Variants in PCDH15 observed in about 807,000 individuals in gnomAD.
PCDH15 encodes protocadherin related 15.
PCDH15 carries 129 observed loss-of-function variants against 178.5 expected under a neutral mutation model. The ratio of observed to expected loss-of-function variants is 0.72; its 90% CI spans 0.63 to 0.84. PCDH15 has a LOEUF of 0.84. PCDH15 is among the 40% of genes least tolerant of loss of function. The pLI, the probability that PCDH15 is intolerant of heterozygous loss-of-function variation, is 0.00. For synonymous variants in PCDH15, 800 were observed against 732.0 expected (o/e 1.09, Z -1.50); for missense variants, 2,230 against 2,099.9 (o/e 1.06, Z -1.21).
At chr10:54,242,028 G>A (rs1341811633) in intron 8 of PCDH15, among the ~76,000 whole-genome samples, 3 of 148,736 alleles carry the variant, frequency 2.0e-5, no homozygotes, top group Admixed American at 6.7e-5. Context: ...ATTCTGAGAG[G>A]ATAACAGTAG....
intron 3 of PCDH15, among the ~76,000 whole-genome samples, chr10:54,465,049 A>G (rs940461732): frequency 1.3e-5 from 2 of 152,134 alleles, no homozygotes; most frequent in Admixed American, 6.6e-5. Context: ...TCTGCAATAT[A>G]TTTCCCTTAT....
rs1454354453 is a variant in PCDH15, at chr10:54,020,062, A to C, written c.2751+130T>G. On this transcript the variant is annotated intron_variant, in intron 20 of 37. Transcript: ENST00000644397. ...CATAAATATTTCCATTGGAAAATCTATGTTATGGGTCTGGTACCACTGTGT... is the reference window on the plus strand; with the variant it reads ...CATAAATATTTCCATTGGAAAATCTCTGTTATGGGTCTGGTACCACTGTGT... 3 of 734,490 alleles carry C rather than the reference A, an allele frequency of 4.1e-6. No homozygotes were observed. The African/African-American group carries it at 5.4e-5, about 13-fold the overall frequency. 45.5% of individuals were successfully genotyped at this position (734,490 alleles called of 1,614,324 possible).
In PCDH15 at chr10:55,527,864, T is replaced by C. The variant is rs1055350938; in HGVS notation, c.-156+99761A>G. ...TTCAATAATAGGTATTGTTTTTTCTTCTGACAACAATGAGGTAGCTAATTT... is the reference window on the plus strand; with the variant it reads ...TTCAATAATAGGTATTGTTTTTTCTCCTGACAACAATGAGGTAGCTAATTT... On this transcript the variant is annotated intron_variant, in intron 2 of 5. Coordinates refer to the PCDH15 transcript ENST00000613346. 2.0e-4 allele frequency among the ~76,000 whole-genome samples: 30 copies of C among 152,156 alleles called. 1 individual carries two copies. In the East Asian group the frequency reaches 5.4e-3, roughly 28 times the overall value.
intron 3 of PCDH15, among the ~76,000 whole-genome samples, chr10:54,424,164 C>T (rs1398967233): frequency 1.3e-5 from 2 of 151,656 alleles, no homozygotes; most frequent in Admixed American, 6.6e-5. Context: ...AACAAATTTA[C>T]AAGAAAAAAA....
chr10:54,751,382 A>G lies in PCDH15; in HGVS notation c.-29+49543T>C, dbSNP rs954121702. Among the ~76,000 whole-genome samples, 12 of 152,260 alleles carry G rather than the reference A, an allele frequency of 7.9e-5. No individual in the cohort carries two copies. The East Asian group carries it at 2.3e-3, about 29-fold the overall frequency. On this transcript the variant is annotated intron_variant, in intron 1 of 37. Transcript: ENST00000644397. The stretch of plus-strand genomic sequence containing the variant: ...TTCCAGTTTATCTTGCTGTTGCTCA[A>G]ACAGGTGTGCTTTTAAATTTGCTTA...
intron 2 of PCDH15, among the ~76,000 whole-genome samples, chr10:55,470,057 T>C (rs564583152): frequency 6.6e-6 from 1 of 152,212 alleles, no homozygotes; most frequent in South Asian, 2.1e-4. Context: ...TTTCTCTAAA[T>C]AGTTAAGTAT....
intron 4 of PCDH15, among the ~76,000 whole-genome samples, chr10:54,377,799 T>A (rs1412252375): frequency 2.0e-5 from 3 of 152,106 alleles, no homozygotes; most frequent in African/African-American, 4.8e-5. Flanking sequence ...CCTCTGCCCC[T>A]CTGTACTCAA....
intron 1 of PCDH15, among the ~76,000 whole-genome samples, chr10:54,676,216 A>T (rs1743373722): frequency 6.6e-6 from 1 of 152,052 alleles, no homozygotes; most frequent in Admixed American, 6.5e-5. Context: ...TAAAATTCTA[A>T]TATACTTGGA....
At chr10:53,861,797 T>C (rs1321655747) in intron 27 of PCDH15, among the ~76,000 whole-genome samples, 1 of 152,112 alleles carries the variant, frequency 6.6e-6, no homozygotes, top group Non-Finnish European at 1.5e-5. Context: ...ATTCAATAGC[T>C]ACATTTGGCT....
chr10:55,584,084 A>G (rs1224852587), intron 2 of PCDH15, among the ~76,000 whole-genome samples: 61 of 152,086 alleles, frequency 4.0e-4, no homozygotes, highest in African/African-American at 2.4e-5. Flanking sequence ...AGGTCTCACT[A>G]TATTGTCCAA....
At chr10:54,028,101 A>G (rs1417369246) in intron 18 of PCDH15, among the ~76,000 whole-genome samples, 1 of 151,012 alleles carries the variant, frequency 6.6e-6, no homozygotes, top group Non-Finnish European at 1.5e-5. Context: ...GAAAAAAACA[A>G]ACAACCCCAT....
At chr10:55,532,011 T>C (rs1257257045) in intron 2 of PCDH15, among the ~76,000 whole-genome samples, 1 of 152,040 alleles carries the variant, frequency 6.6e-6, no homozygotes, top group African/African-American at 2.4e-5. Context: ...AAATTAAAGA[T>C]CTGATCTTTG....
rs2042431336 is a variant in PCDH15 at position 54,131,471 on chromosome 10, C to CT, written c.1917+1403dup. On this transcript the variant is annotated intron_variant, in intron 15 of 37. Coordinates refer to ENST00000644397, the MANE Select transcript of PCDH15 (RefSeq NM_001384140.1). ...TTTTCTATTCTTTATCATTACAATA[C>CT]TTTGACTTTTTTTTCCTCCTAAAGA... Among the ~76,000 whole-genome samples, 7 of 152,074 alleles carry CT rather than the reference C, an allele frequency of 4.6e-5. No homozygotes were observed. In the South Asian group the frequency reaches 1.5e-3, roughly 32 times the overall value.
At chr10:54,277,759 G>A (rs2058430909) in intron 8 of PCDH15, among the ~76,000 whole-genome samples, 1 of 151,442 alleles carries the variant, frequency 6.6e-6, no homozygotes, top group African/African-American at 2.4e-5. Context: ...TCAGAGAAGG[G>A]GGCAAAACAC....
intron 15 of PCDH15, among the ~76,000 whole-genome samples, chr10:54,110,970 C>A (rs1311754011): frequency 1.3e-5 from 2 of 152,066 alleles, no homozygotes; most frequent in Admixed American, 6.6e-5. Context: ...TCAACTAATT[C>A]TTGGTAGTTA....
chr10:53,963,689 C>T (rs568366494), intron 21 of PCDH15, among the ~76,000 whole-genome samples: 2 of 152,176 alleles, frequency 1.3e-5, no homozygotes, highest in South Asian at 4.1e-4. Flanking sequence ...TAGATAATGG[C>T]TCTACCTTTT....
Position 55,549,657 on chromosome 10 carries a change from G to A in PCDH15, c.-156+77968C>T, listed in dbSNP as rs1021246482. Among the ~76,000 whole-genome samples, 12 of 152,158 alleles carry A rather than the reference G, an allele frequency of 7.9e-5. No individual in the cohort carries two copies. The East Asian group carries it at 2.3e-3, about 29-fold the overall frequency. On this transcript the variant is annotated intron_variant, in intron 2 of 5. Transcript: ENST00000613346. ...CAATTTAGGTTATTCGGTTGTCTTTGGCTGATGCACTGACTTTTCAATGTT... is the reference window on the plus strand; with the variant it reads ...CAATTTAGGTTATTCGGTTGTCTTTAGCTGATGCACTGACTTTTCAATGTT...
At chr10:54,760,710 T>C (rs568611142) in intron 1 of PCDH15, among the ~76,000 whole-genome samples, 1 of 152,262 alleles carries the variant, frequency 6.6e-6, no homozygotes, top group African/African-American at 2.4e-5. Context: ...TGTTTAGAAT[T>C]AAATGTTGAT....
intron 5 of PCDH15, among the ~76,000 whole-genome samples, chr10:54,354,611 T>G (rs1031043940): frequency 2.0e-5 from 3 of 152,182 alleles, no homozygotes; most frequent in Admixed American, 6.5e-5. Context: ...GCCCAGTGAT[T>G]TTTATTCCTT....
Sources: allele counts gnomAD v4.1 joint callset (sites outside exome capture counted in the v4.1 genomes callset), GRCh38; gene constraint gnomAD v4.1.1; transcripts MANE v1.5; gene names NCBI Gene and HGNC (gene_info 2026-07-23, HGNC 2026-07-21).